The following LMLN variants were observed in gnomAD, a reference collection of about 807,000 sequenced individuals.
LMLN encodes the protein leishmanolysin like peptidase, also known as leishmanolysin-like peptidase.
In LMLN, 70 loss-of-function variants were observed where a neutral mutation model predicts 92.3. That is an observed-to-expected ratio of 0.76 (90% confidence interval 0.63 to 0.92). The LOEUF (loss-of-function observed/expected upper bound fraction) is 0.92. Ranked by LOEUF, LMLN falls within the 40% of genes least tolerant of loss-of-function variation. The probability of loss-of-function intolerance (pLI) is 0.00; values close to 1 mark genes in which losing one functional copy is unlikely to be tolerated. For synonymous variants in LMLN, 308 were observed against 296.2 expected, an observed-to-expected ratio of 1.04 and a Z score of -0.41; for missense variants, 691 against 814.6, an observed-to-expected ratio of 0.85 and a Z score of 1.85.
At chr3:198,021,531 G>A in exon 13 of LMLN, 3 of 1,614,154 alleles carry the variant, frequency 1.9e-6, no homozygotes, top group Middle Eastern at 1.6e-4. Flanking sequence ...TGCCCTTTCA[G>A]TCAGGAATTC....
At chr3:198,002,917 G>A in intron 11 of LMLN, 98 bp from the exon 12 acceptor site, 1 of 658,948 alleles carries the variant, frequency 1.5e-6, no homozygotes, top group South Asian at 2.0e-5. Flanking sequence ...TCTTTCTTAA[G>A]GTCCTAATGT....
chr3:197,996,191 A>G (rs778266315), exon 10 of LMLN: 2 of 1,574,120 alleles, frequency 1.3e-6, no homozygotes, highest in African/African-American at 1.4e-5. Flanking sequence ...GCACGAAAAC[A>G]TTTTGATTGT....
intron 7 of LMLN, 97 bp from the exon 8 acceptor site, chr3:197,985,699 C>T: frequency 1.4e-6 from 1 of 716,936 alleles, no homozygotes; most frequent in Non-Finnish European, 2.4e-6. Context: ...CGTGGTGCTT[C>T]TACGTTCCCG....
Position 198,019,346 on chromosome 3 carries a change from T to C in LMLN, c.1326T>C (p.Asn442=), listed in dbSNP as rs1318116993. 1 of 1,613,964 alleles carries C rather than the reference T, an allele frequency of 6.2e-7. No homozygotes were observed. Among genetic ancestry groups the C allele is most frequent in the East Asian group, 2.2e-5 (1 of 44,890 alleles). Residue 442 remains asparagine, a synonymous_variant, in exon 12 of 16, where the codon AAT becomes AAC. Transcript: ENST00000330198. This position sits in a 1 kb window ranked among gnomAD's most constrained non-coding sequence, Gnocchi z 5.5. ...ACCAGAGAGCAGTTGCCGTGTGTAATTTGCAGAAGTTCCCTAAGCCTTTAC... is the reference window on the plus strand; with the variant it reads ...ACCAGAGAGCAGTTGCCGTGTGTAACTTGCAGAAGTTCCCTAAGCCTTTAC...
intron 14 of LMLN, 50 bp from the exon 16 acceptor site, chr3:198,035,783 C>A: frequency 1.5e-6 from 2 of 1,348,268 alleles, no homozygotes; most frequent in Non-Finnish European, 2.1e-6. Context: ...TAGAATCTTA[C>A]TGACCTGATA....
intron 1 of LMLN, 56 bp downstream of exon 1, chr3:197,960,496 C>A: frequency 6.6e-7 from 1 of 1,515,586 alleles, no homozygotes; most frequent in Non-Finnish European, 9.1e-7. Context: ...CCAGAAGGAG[C>A]AGGCGTAGGA....
chr3:197,967,586 C>T (rs935703960), intron 1 of LMLN, among the ~76,000 whole-genome samples: 1 of 152,242 alleles, frequency 6.6e-6, no homozygotes, highest in Non-Finnish European at 1.5e-5. Flanking sequence ...AAATCAAAAA[C>T]TCCTGATAAG....
chr3:198,015,865 A>G (rs1722623776), intron 11 of LMLN, among the ~76,000 whole-genome samples: 1 of 152,216 alleles, frequency 6.6e-6, no homozygotes, highest in African/African-American at 2.4e-5. Flanking sequence ...TCCAGGAATT[A>G]GAAGTGGTAC....
At chr3:198,018,473 A>G (rs1722697629) in intron 11 of LMLN, among the ~76,000 whole-genome samples, 1 of 152,216 alleles carries the variant, frequency 6.6e-6, no homozygotes, top group African/African-American at 2.4e-5. Context: ...GACGACTTCA[A>G]AGCCTTTGCT....
At chr3:197,975,149 A>AAT (rs1257633637) in intron 3 of LMLN, 77 bp downstream of exon 3, 1 of 789,098 alleles carries the variant, frequency 1.3e-6, no homozygotes, top group Non-Finnish European at 2.1e-6. Flanking sequence ...AGTAAAGAAA[A>AAT]ATATATACAT....
intron 11 of LMLN, among the ~76,000 whole-genome samples, chr3:198,005,569 A>C (rs1302242733): frequency 6.6e-6 from 1 of 152,116 alleles, no homozygotes; most frequent in Non-Finnish European, 1.5e-5. Context: ...ACAAAGAAGA[A>C]AAGTGCCCAT....
intron 6 of LMLN, 143 bp from the exon 7 acceptor site, chr3:197,983,800 A>G: frequency 1.8e-6 from 1 of 543,716 alleles, no homozygotes; most frequent in Non-Finnish European, 3.3e-6. Flanking sequence ...TACATGTCTT[A>G]AAAGTAAGAT....
chr3:197,980,415 T>G, exon 6 of LMLN: 4 of 1,614,094 alleles, frequency 2.5e-6, no homozygotes, highest in Non-Finnish European at 8.5e-7. Flanking sequence ...ACTTTGTTCT[T>G]TACGTTGGTG....
At chr3:197,999,015 A>C (rs553029902) in intron 10 of LMLN, among the ~76,000 whole-genome samples, 3 of 152,350 alleles carry the variant, frequency 2.0e-5, no homozygotes, top group South Asian at 4.1e-4. Flanking sequence ...TTCATCACAG[A>C]GTTCTAAATG....
chr3:197,993,195 G>A (rs993046458), intron 9 of LMLN, among the ~76,000 whole-genome samples: 2 of 152,098 alleles, frequency 1.3e-5, no homozygotes, highest in Non-Finnish European at 2.9e-5. Flanking sequence ...AGTGAAAAAT[G>A]GAAAGCCTTT....
chr3:198,020,768 ATTTTT>A (rs71166715), intron 12 of LMLN, among the ~76,000 whole-genome samples: 38 of 32,866 alleles, frequency 1.2e-3, no homozygotes, highest in African/African-American at 4.3e-3. Flanking sequence ...TAATTTTTGT[ATTTTT>A]TTTTTTTTTT....
At chr3:198,021,721 G>A (rs1722789470) in intron 13 of LMLN, 116 bp downstream of exon 14, 1 of 816,918 alleles carries the variant, frequency 1.2e-6, no homozygotes, top group African/African-American at 1.8e-5. Context: ...TTGCTTTATA[G>A]TTCAGCTGCT....
At position 198,031,847 on chromosome 3, in the gene LMLN, A is replaced by C. The variant is rs1453563889; in HGVS notation, c.1657-3986A>C. Among the ~76,000 whole-genome samples, 3 of 152,176 alleles carry C rather than the reference A, an allele frequency of 2.0e-5. No homozygotes were observed. Among genetic ancestry groups the C allele is most frequent in the Non-Finnish European group, 4.4e-5 (3 of 68,030 alleles). The stretch of plus-strand genomic sequence containing the variant: ...CCTGGCACAGTGGCTCACACCTGTA[A>C]TCACAGCACTTTGGGAGCCCGAGAC... On this transcript the variant is annotated intron_variant, in intron 14 of 15. Coordinates refer to ENST00000330198, the Ensembl canonical transcript of LMLN. The surrounding 1 kb of genome is among the most constrained non-coding windows in gnomAD (Gnocchi z 4.8).
Position 198,016,060 on chromosome 3 carries a change from C to T in LMLN, c.1233-3193C>T, listed in dbSNP as rs148342308. On this transcript the variant is annotated intron_variant, in intron 11 of 15. Transcript: ENST00000330198. ...TAAAAAAATTAGGCTGGCATGGTGG[C>T]GTGGCCCTGTAGTCCCAGCTACTTG... 3.3e-5 allele frequency among the ~76,000 whole-genome samples: 5 copies of T among 151,766 alleles called. No homozygotes were observed. In the East Asian group the frequency reaches 5.8e-4, roughly 18 times the overall value.
Sources: gnomAD v4.1 joint callset for allele counts (sites outside exome capture counted in the v4.1 genomes callset) on GRCh38, gnomAD v4.1.1 for gene constraint, Gnocchi (gnomAD v3.1) non-coding constraint, MANE v1.5 for transcripts, NCBI Gene and HGNC (gene_info 2026-07-23, HGNC 2026-07-21) for gene names.